Variants in MKNK2 observed in about 807,000 individuals in gnomAD.
MKNK2 encodes the protein MAP kinase-interacting serine/threonine-protein kinase 2.
MKNK2 carries 54 observed loss-of-function variants against 55.0 expected under a neutral mutation model. The ratio of observed to expected loss-of-function variants is 0.98; its 90% CI spans 0.79 to 1.23. The LOEUF (loss-of-function observed/expected upper bound fraction) is 1.23, where lower values mean the gene tolerates loss of function less well. Among genes scored for constraint, MKNK2 ranks in the 50% most tolerant of loss-of-function variants. The pLI, the probability that MKNK2 is intolerant of heterozygous loss-of-function variation, is 0.00. For synonymous variants in MKNK2, 323 were observed against 256.0 expected (o/e 1.26, Z -2.50); for missense variants, 685 against 632.1 (o/e 1.08, Z -0.90).
chr19:2,040,781 C>G (rs1379616736), intron 12 of MKNK2: 7 of 530,284 alleles, frequency 1.3e-5, no homozygotes, highest in Non-Finnish European at 1.7e-5. Context: ...CTGCTGCAGG[C>G]TGTGGGTCCC....
chr19:2,042,355 G>T, intron 10 of MKNK2, 72 bp downstream of exon 10: 1 of 1,356,376 alleles, frequency 7.4e-7, no homozygotes, highest in Non-Finnish European at 1.0e-6. Flanking sequence ...CTGCTGGATG[G>T]CCCAGGCTCC....
rs2016823457 is a variant in MKNK2, at chr19:2,039,400, C to G, written c.*213G>C. On this transcript the variant is annotated 3_prime_UTR_variant, in exon 14 of 14. Coordinates refer to ENST00000250896, the MANE Select transcript of MKNK2 (RefSeq NM_199054.3). ...GGGTGCCTGCAATGCTTTTAACCAT[C>G]CAAAGGAAAAAATAACGGGGAGGGG... 7.1e-7 allele frequency: 1 copy of G among 1,406,640 alleles called. No homozygotes were observed. Among genetic ancestry groups the G allele is most frequent in the Admixed American group, 2.9e-5 (1 of 34,264 alleles). 87.1% of individuals were successfully genotyped at this position (1,406,640 alleles called of 1,614,324 possible).
chr19:2,046,763 CCAGTGTCG>C (rs1434300342), intron 2 of MKNK2, 72 bp from the exon 3 acceptor site: 1 of 1,258,592 alleles, frequency 7.9e-7, no homozygotes, highest in Non-Finnish European at 1.1e-6. Flanking sequence ...CTATCCTGCC[CCAGTGTCG>C]CAGCGTCCAC....
Position 2,041,060 on chromosome 19 carries a change from G to T in MKNK2, c.1090C>A (p.Gln364Lys). The change falls in exon 12 of 14, where the codon CAG becomes AAG. Residue 364 changes from glutamine (Q) to lysine (K), a missense_variant. Gln to Lys is a moderately conservative substitution (Grantham distance 53). Coordinates refer to ENST00000250896, the MANE Select transcript of MKNK2 (RefSeq NM_199054.3). ...KQRLSAAQVL[Q>K]HPWVQGCAPE... is the part of the protein sequence containing the mutation. ...CTCACCCCCTGAACCCAGGGGTGCTGCAGGACTTGGGCGGCACTCAGCCTC... is the reference window on the plus strand; with the variant it reads ...CTCACCCCCTGAACCCAGGGGTGCTTCAGGACTTGGGCGGCACTCAGCCTC... The T allele has an allele frequency of 6.2e-7, 1 of 1,613,966 alleles. No individual in the cohort carries two copies. The highest frequency in any genetic ancestry group is 8.5e-7 in the Non-Finnish European group (1 of 1,179,940).
Position 2,039,289 on chromosome 19 carries a change from C to T in MKNK2, c.*324G>A. 1 of 1,195,130 alleles carries T rather than the reference C, an allele frequency of 8.4e-7. No homozygotes were observed. The highest frequency in any genetic ancestry group is 1.0e-6 in the Non-Finnish European group (1 of 958,338). The allele number at this position is 1,195,130 out of a possible 1,614,324, so 74.0% of individuals were successfully genotyped here. On this transcript the variant is annotated 3_prime_UTR_variant, in exon 14 of 14. Coordinates refer to ENST00000250896, the MANE Select transcript of MKNK2 (RefSeq NM_199054.3). ...GCAGATGGCGGGCAGCACAGGTGAC[C>T]TGGGGGCACCTTCATAGTAGAGGTG...
At position 2,039,778 on chromosome 19, in the gene MKNK2, CTCG is replaced by C; in HGVS notation, c.1230_1232del (p.Asp410del). On this transcript the variant is annotated inframe_deletion, in exon 14 of 14. Transcript: ENST00000250896. ...CCGCGGCCTCCTCCTCAGCCAGGTC[CTCG>C]TCGTGCTGGGCCAGCTGCCGGTTCA... The C allele has an allele frequency of 6.2e-7, 1 of 1,607,814 alleles. No homozygotes were observed. The highest frequency in any genetic ancestry group is 8.5e-7 in the Non-Finnish European group (1 of 1,179,582).
At chr19:2,049,197 G>A (rs184413123) in intron 2 of MKNK2, among the ~76,000 whole-genome samples, 63 of 152,322 alleles carry the variant, frequency 4.1e-4, no homozygotes, top group African/African-American at 1.4e-3. Flanking sequence ...GTGTACAGGG[G>A]AGCCCCAGGC....
intron 5 of MKNK2, among the ~76,000 whole-genome samples, chr19:2,045,563 C>T (rs534035709): frequency 2.4e-4 from 37 of 152,194 alleles, no homozygotes; most frequent in Non-Finnish European, 4.7e-4. Context: ...CCTGGCCGTC[C>T]ACCAGGACCC....
Position 2,046,303 on chromosome 19 carries a change from G to A in MKNK2, c.242-20C>T, listed in dbSNP as rs1331458358. 6.2e-7 allele frequency: 1 copy of A among 1,603,108 alleles called. No homozygotes were observed. Among genetic ancestry groups the A allele is most frequent in the Non-Finnish European group, 8.5e-7 (1 of 1,179,772 alleles). On this transcript the variant is annotated intron_variant, in intron 4 of 13. Transcript: ENST00000250896. Reference sequence around the variant, plus strand: ...AGACGTCTGCCGGGCAGCGGGGCGGGCGTGAGAGGGACCCTGGCTTTTCCC... The same window carrying A: ...AGACGTCTGCCGGGCAGCGGGGCGGACGTGAGAGGGACCCTGGCTTTTCCC...
In MKNK2 at chr19:2,039,266, A is replaced by G; in HGVS notation, c.*347T>C. ...CTGAGTCACTGCAAGCCACGTGGGC[A>G]GATGGCGGGCAGCACAGGTGACCTG... On this transcript the variant is annotated 3_prime_UTR_variant, in exon 14 of 14. Coordinates refer to ENST00000250896, the MANE Select transcript of MKNK2 (RefSeq NM_199054.3). 8.7e-7 allele frequency: 1 copy of G among 1,146,608 alleles called. No individual in the cohort carries two copies. The allele number at this position is 1,146,608 out of a possible 1,614,324, so 71.0% of individuals were successfully genotyped here.
At chr19:2,043,468 T>C (rs772949029) in intron 6 of MKNK2, 35 bp downstream of exon 6, 1 of 1,589,418 alleles carries the variant, frequency 6.3e-7, no homozygotes, top group Non-Finnish European at 8.6e-7. Context: ...GAAAGACAGC[T>C]CAGGCCAGTG....
At position 2,038,764 on chromosome 19, in the gene MKNK2, G is replaced by T; in HGVS notation, c.*849C>A. 6 of 985,638 alleles carry T rather than the reference G, an allele frequency of 6.1e-6. No individual in the cohort carries two copies. Among genetic ancestry groups the T allele is most frequent in the Non-Finnish European group, 6.0e-6 (5 of 829,950 alleles). The allele number at this position is 985,638 out of a possible 1,614,324, so 61.1% of individuals were successfully genotyped here. A position where few individuals can be genotyped will look rare whatever the true frequency, so the allele number is the denominator to read the frequency against. ...GTCTTCAGGACCCCCCACATTGGCT[G>T]ACAGTGCCTGTCCAGCCCCTCTGCC... On this transcript the variant is annotated 3_prime_UTR_variant, in exon 14 of 14. Coordinates refer to ENST00000250896, the MANE Select transcript of MKNK2 (RefSeq NM_199054.3).
At position 2,041,092 on chromosome 19, in the gene MKNK2, G is replaced by T. The variant is rs1568235618; in HGVS notation, c.1058C>A (p.Ala353Asp). 6.2e-7 allele frequency: 1 copy of T among 1,613,924 alleles called. No individual in the cohort carries two copies. Among genetic ancestry groups the T allele is most frequent in the Non-Finnish European group, 8.5e-7 (1 of 1,179,964 alleles). ...DLISKLLVRD[A>D]KQRLSAAQVL... is the part of the protein sequence containing the mutation. ...TTGGGCGGCACTCAGCCTCTGCTTG[G>T]CGTCACGGACCAGCAGCTTGGAGAT... is the stretch of plus-strand genomic sequence containing the variant. Residue 353 changes from alanine to aspartate, a missense_variant, in exon 12 of 14, where the codon GCC becomes GAC. Coordinates refer to ENST00000250896, the MANE Select transcript of MKNK2 (RefSeq NM_199054.3).
chr19:2,040,897 C>A (rs775640868), intron 12 of MKNK2, 143 bp downstream of exon 12: 2 of 832,070 alleles, frequency 2.4e-6, no homozygotes, highest in Non-Finnish European at 3.7e-6. Context: ...CTGCACCCCT[C>A]ATCCCAGGGC....
chr19:2,044,235 C>A (rs1355575428), intron 5 of MKNK2, among the ~76,000 whole-genome samples: 1 of 152,170 alleles, frequency 6.6e-6, no homozygotes, highest in Non-Finnish European at 1.5e-5. Context: ...CCCACCAGGC[C>A]CCACCTCACA....
chr19:2,045,373 C>T (rs566679365), intron 5 of MKNK2, among the ~76,000 whole-genome samples: 37 of 152,288 alleles, frequency 2.4e-4, no homozygotes, highest in African/African-American at 8.2e-4. Context: ...GAAGTGCTTC[C>T]GGAGGGGCCT....
chr19:2,041,168 C>G lies in MKNK2; in HGVS notation c.982G>C (p.Glu328Gln), dbSNP rs747480878. The change falls in exon 12 of 14, where the codon GAG becomes CAG. Residue 328 changes from glutamate (E) to glutamine (Q), a missense_variant. Transcript: ENST00000250896. ...TGGGCCCAGTCCTTGTCGGGGAACTCGTACTTGCCCTCCTGGATGCTCTCA... is the reference window on the plus strand; with the variant it reads ...TGGGCCCAGTCCTTGTCGGGGAACTGGTACTTGCCCTCCTGGATGCTCTCA... ...LFESIQEGKY[E>Q]FPDKDWAHIS... 1 of 1,613,932 alleles carries G rather than the reference C, an allele frequency of 6.2e-7. No homozygotes were observed. The highest frequency in any genetic ancestry group is 8.5e-7 in the Non-Finnish European group (1 of 1,179,896).
intron 2 of MKNK2, among the ~76,000 whole-genome samples, chr19:2,049,117 T>C (rs2017059031): frequency 1.3e-5 from 2 of 152,106 alleles, no homozygotes; most frequent in South Asian, 4.1e-4. Flanking sequence ...TCAGCAAAGC[T>C]ACAGATGGAC....
intron 2 of MKNK2, among the ~76,000 whole-genome samples, chr19:2,049,518 C>T (rs947792829): frequency 6.6e-6 from 1 of 152,220 alleles, no homozygotes; most frequent in African/African-American, 2.4e-5. Context: ...AGAGGCCGGC[C>T]CACAATCCTG....
Sources: allele counts gnomAD v4.1 joint callset (sites outside exome capture counted in the v4.1 genomes callset), GRCh38; gene constraint gnomAD v4.1.1; transcripts MANE v1.5; gene names NCBI Gene and HGNC (gene_info 2026-07-23, HGNC 2026-07-21).